The following ELMO2 variants were observed in gnomAD, a reference collection of about 807,000 sequenced individuals.
The protein encoded by ELMO2 is engulfment and cell motility protein 2.
A neutral mutation model predicts 96.2 loss-of-function variants in ELMO2; 37 were observed. The observed-to-expected ratio is 0.38, with a 90% CI of 0.30 to 0.51. ELMO2 has a LOEUF of 0.51. ELMO2 is among the 20% of genes least tolerant of loss of function. The probability of loss-of-function intolerance (pLI) is 0.88; values close to 1 mark genes in which losing one functional copy is unlikely to be tolerated. For synonymous variants in ELMO2, 315 were observed against 329.4 expected (o/e 0.96, Z 0.47); for missense variants, 561 against 912.6 (o/e 0.61, Z 4.96).
At chr20:46,380,364 C>A in intron 10 of ELMO2, 61 bp from the exon 11 acceptor site, 1 of 1,365,338 alleles carries the variant, frequency 7.3e-7, no homozygotes, top group South Asian at 1.2e-5. Flanking sequence ...TGACTACTAT[C>A]GAGAGGAAGG....
chr20:46,367,242 A>T lies in ELMO2; in HGVS notation c.*118T>A. 1 of 1,014,188 alleles carries T rather than the reference A, an allele frequency of 9.9e-7. No homozygotes were observed. The allele number at this position is 1,014,188 out of a possible 1,614,324, so 62.8% of individuals were successfully genotyped here. A position where few individuals can be genotyped will look rare whatever the true frequency, so the allele number is the denominator to read the frequency against. On this transcript the variant is annotated 3_prime_UTR_variant, in exon 22 of 22. Transcript: ENST00000290246. ...TGGGTTTGAGAAATGGCTGGCATTTACTGGCCACCAAAATCACTACAGATT... is the reference window on the plus strand; with the variant it reads ...TGGGTTTGAGAAATGGCTGGCATTTTCTGGCCACCAAAATCACTACAGATT...
At chr20:46,391,609 G>A (rs949734832) in intron 6 of ELMO2, among the ~76,000 whole-genome samples, 56 of 152,144 alleles carry the variant, frequency 3.7e-4, no homozygotes, top group African/African-American at 1.2e-3. Flanking sequence ...GGGCCTAGCA[G>A]TCAAAGTGAT....
chr20:46,384,918 C>T (rs760925991), intron 9 of ELMO2, among the ~76,000 whole-genome samples: 2 of 151,998 alleles, frequency 1.3e-5, no homozygotes, highest in Admixed American at 6.6e-5. Context: ...CATGCCACTG[C>T]GCTCCAGCTT....
intron 1 of ELMO2, among the ~76,000 whole-genome samples, chr20:46,406,036 G>A (rs936879753): frequency 1.3e-5 from 2 of 152,230 alleles, no homozygotes; most frequent in African/African-American, 2.4e-5. Context: ...GGTGAGCGCA[G>A]GAGGTGGAAA....
At chr20:46,384,632 C>T (rs2060010390) in intron 9 of ELMO2, among the ~76,000 whole-genome samples, 2 of 152,028 alleles carry the variant, frequency 1.3e-5, no homozygotes, top group Non-Finnish European at 2.9e-5. Flanking sequence ...GTCCCTCTCA[C>T]CTTAATCAAC....
intron 10 of ELMO2, chr20:46,382,357 G>C: frequency 1.0e-6 from 1 of 989,628 alleles, no homozygotes. Flanking sequence ...GAAAGACAAG[G>C]ACAGACAGAA....
intron 1 of ELMO2, among the ~76,000 whole-genome samples, chr20:46,406,028 T>A (rs925503891): frequency 1.5e-4 from 23 of 151,996 alleles, no homozygotes; most frequent in African/African-American, 5.1e-4. Flanking sequence ...AACTCAAGGG[T>A]GAGCGCAGGA....
At chr20:46,391,051 T>C (rs553974465) in intron 6 of ELMO2, among the ~76,000 whole-genome samples, 2 of 152,374 alleles carry the variant, frequency 1.3e-5, no homozygotes, top group South Asian at 4.1e-4. Flanking sequence ...TCCAGAGAGA[T>C]GTGCTTCTGG....
At chr20:46,390,693 A>G (rs2060135836) in intron 6 of ELMO2, 1 of 152,238 alleles carries the variant, frequency 6.6e-6, no homozygotes, top group Admixed American at 6.5e-5. Flanking sequence ...GTTCTCCACT[A>G]GAAAGCAAGA....
At chr20:46,393,939 T>G (rs1191543939) in intron 4 of ELMO2, 110 bp downstream of exon 4, 9 of 1,443,220 alleles carry the variant, frequency 6.2e-6, no homozygotes, top group Non-Finnish European at 1.9e-6. Flanking sequence ...AAGACCCCCA[T>G]GCTGAGGACC....
chr20:46,378,509 G>A (rs2059902695), intron 11 of ELMO2, among the ~76,000 whole-genome samples: 1 of 152,252 alleles, frequency 6.6e-6, no homozygotes, highest in Non-Finnish European at 1.5e-5. Flanking sequence ...CTGCTCAGGA[G>A]TGTAGGCAGG....
intron 3 of ELMO2, 139 bp downstream of exon 3, chr20:46,394,266 G>A (rs1422637809): frequency 4.3e-6 from 5 of 1,157,428 alleles, no homozygotes; most frequent in South Asian, 1.3e-5. Context: ...TCCCTAGGGT[G>A]GGCCAGGCCC....
chr20:46,386,316 C>T (rs771910877), intron 8 of ELMO2, 41 bp from the exon 9 acceptor site: 4 of 1,605,380 alleles, frequency 2.5e-6, no homozygotes, highest in Non-Finnish European at 3.4e-6. Flanking sequence ...AGCTCAGGGC[C>T]CAAGAAAGAT....
intron 11 of ELMO2, chr20:46,376,652 C>T: frequency 7.8e-7 from 1 of 1,289,600 alleles, no homozygotes; most frequent in Middle Eastern, 2.1e-4. Flanking sequence ...CCCACAATAT[C>T]CTGCTTCCCT....
Position 46,375,531 on chromosome 20 carries a change from G to C in ELMO2, c.930+137C>G. On this transcript the variant is annotated intron_variant, in intron 12 of 21. Coordinates refer to ENST00000290246, the MANE Select transcript of ELMO2 (RefSeq NM_133171.5). The surrounding 1 kb of genome is among the most constrained non-coding windows in gnomAD (Gnocchi z 4.6). ...AGGACAGAAATGGGCTTGGCTCATG[G>C]TGCAGATCATGCTAGATTTTCTAGG... 1 of 1,496,316 alleles carries C rather than the reference G, an allele frequency of 6.7e-7. No homozygotes were observed. The highest frequency in any genetic ancestry group is 9.1e-7 in the Non-Finnish European group (1 of 1,098,942). 92.7% of individuals were successfully genotyped at this position (1,496,316 alleles called of 1,614,324 possible).
intron 6 of ELMO2, among the ~76,000 whole-genome samples, chr20:46,391,080 G>A (rs2060142595): frequency 6.6e-6 from 1 of 152,228 alleles, no homozygotes; most frequent in African/African-American, 2.4e-5. Context: ...ACTACACTGT[G>A]CAAGAGGTCT....
At chr20:46,395,993 G>T (rs2060238470) in intron 2 of ELMO2, among the ~76,000 whole-genome samples, 1 of 152,246 alleles carries the variant, frequency 6.6e-6, no homozygotes, top group Non-Finnish European at 1.5e-5. Flanking sequence ...TTCGGCCAAT[G>T]CTTTCCCCTT....
rs545034413 is a variant in ELMO2 at position 46,370,354 on chromosome 20, A to G, written c.1884+89T>C. 10 of 1,126,424 alleles carry G rather than the reference A, an allele frequency of 8.9e-6. No individual in the cohort carries two copies. The East Asian group carries it at 2.4e-4, about 26-fold the overall frequency. 69.8% of individuals were successfully genotyped at this position (1,126,424 alleles called of 1,614,324 possible). A position where few individuals can be genotyped will look rare whatever the true frequency, so the allele number is the denominator to read the frequency against. The stretch of plus-strand genomic sequence containing the variant: ...AACATTCAGGAATAGAGAGGGGAAG[A>G]TGCCAAGAATGCACCTGGAAAAAAC... On this transcript the variant is annotated intron_variant, in intron 20 of 21. Transcript: ENST00000290246.
intron 7 of ELMO2, 56 bp from the exon 8 acceptor site, chr20:46,387,493 A>G (rs2060067770): frequency 7.0e-7 from 1 of 1,426,704 alleles, no homozygotes. Context: ...CGGGAAACAC[A>G]GGTGTGAGGG....
Sources: gnomAD v4.1 joint callset for allele counts (sites outside exome capture counted in the v4.1 genomes callset) on GRCh38, gnomAD v4.1.1 for gene constraint, Gnocchi (gnomAD v3.1) non-coding constraint, MANE v1.5 for transcripts, NCBI Gene and HGNC (gene_info 2026-07-23, HGNC 2026-07-21) for gene names.